ZFP1: variants seen among roughly 807,000 people sequenced by gnomAD.
ZFP1 encodes ZFP1 zinc finger protein.
In ZFP1, 32 loss-of-function variants were observed where a neutral mutation model predicts 38.5. The observed-to-expected ratio is 0.83, with a 90% CI of 0.63 to 1.12. ZFP1 has a LOEUF of 1.12. Ranked by LOEUF, ZFP1 falls within the 50% of genes most tolerant of loss-of-function variation. The pLI is 0.00. For synonymous variants in ZFP1, 245 were observed against 168.8 expected (o/e 1.45, Z -3.50); for missense variants, 616 against 480.8 (o/e 1.28, Z -2.63).
At chr16:75,165,052 A>C (rs1033635662) in intron 2 of ZFP1, among the ~76,000 whole-genome samples, 1 of 151,938 alleles carries the variant, frequency 6.6e-6, no homozygotes, top group Non-Finnish European at 1.5e-5. Flanking sequence ...TGATCCACCC[A>C]CTTCAGCCTC....
chr16:75,130,770 G>A, the ZFP1 span, among the ~76,000 whole-genome samples: 24 of 151,882 alleles, frequency 1.6e-4, no homozygotes, highest in Middle Eastern at 3.4e-3. Flanking sequence ...GCTACCTACC[G>A]TAATACTCAC....
upstream of ZFP1, among the ~76,000 whole-genome samples, chr16:75,144,975 A>T (rs1234593198): frequency 6.6e-6 from 1 of 152,176 alleles, no homozygotes; most frequent in African/African-American, 2.4e-5. Context: ...GGCCACAGGC[A>T]CATGCCACTA....
At chr16:75,147,366 C>T (rs1194556593), upstream of ZFP1, among the ~76,000 whole-genome samples, 1 of 152,130 alleles carries the variant, frequency 6.6e-6, no homozygotes, top group Admixed American at 6.5e-5. Context: ...AAACCTCAGC[C>T]TCCCAGGCTC....
At chr16:75,154,680 G>A (rs1351493867) in intron 2 of ZFP1, among the ~76,000 whole-genome samples, 1 of 152,136 alleles carries the variant, frequency 6.6e-6, no homozygotes, top group South Asian at 2.1e-4. Context: ...CAGAGGGAGG[G>A]GGGCTCCAAA....
chr16:75,152,519 G>A (rs1337090022), intron 1 of ZFP1, among the ~76,000 whole-genome samples: 1 of 152,114 alleles, frequency 6.6e-6, no homozygotes, highest in Non-Finnish European at 1.5e-5. Context: ...ATTTCCATTT[G>A]ATTTTTTCTT....
chr16:75,141,071 A>C, the ZFP1 span, among the ~76,000 whole-genome samples: 1 of 152,210 alleles, frequency 6.6e-6, no homozygotes, highest in Non-Finnish European at 1.5e-5. Flanking sequence ...ATTTGGCCAA[A>C]AATTGTTCTT....
intron 2 of ZFP1, among the ~76,000 whole-genome samples, chr16:75,163,185 G>A (rs1245296495): frequency 6.6e-6 from 1 of 152,052 alleles, no homozygotes; most frequent in Non-Finnish European, 1.5e-5. Flanking sequence ...GGGATTACAG[G>A]CATGAGCCAT....
the ZFP1 span, among the ~76,000 whole-genome samples, chr16:75,127,540 T>C: frequency 6.6e-5 from 10 of 152,154 alleles, no homozygotes; most frequent in Admixed American, 6.5e-4. Context: ...AGGCTGGTCT[T>C]GAACTCCTGG....
At chr16:75,127,078 A>C in the ZFP1 span, among the ~76,000 whole-genome samples, 1 of 152,234 alleles carries the variant, frequency 6.6e-6, no homozygotes, top group Admixed American at 6.5e-5. Context: ...TGTGCTGCAG[A>C]AGTAACAAAT....
the ZFP1 span, among the ~76,000 whole-genome samples, chr16:75,131,639 C>T: frequency 1.3e-5 from 2 of 152,102 alleles, no homozygotes; most frequent in African/African-American, 2.4e-5. Flanking sequence ...ATGTCCACCT[C>T]GGTTCGTTGC....
At chr16:75,137,461 CTTTTT>C in the ZFP1 span, among the ~76,000 whole-genome samples, 1 of 89,416 alleles carries the variant, frequency 1.1e-5, no homozygotes, top group African/African-American at 4.4e-5. Flanking sequence ...AAAAAAAATT[CTTTTT>C]TTTTTTTTTT....
intron 2 of ZFP1, among the ~76,000 whole-genome samples, chr16:75,155,081 G>A (rs1225316146): frequency 1.3e-5 from 2 of 152,176 alleles, no homozygotes; most frequent in Non-Finnish European, 2.9e-5. Context: ...ACAAGCGTAA[G>A]TCACTGTGCC....
the ZFP1 span, among the ~76,000 whole-genome samples, chr16:75,137,161 T>A: frequency 1.3e-5 from 2 of 152,002 alleles, no homozygotes; most frequent in Non-Finnish European, 2.9e-5. Context: ...AAGAGAGTGT[T>A]CACACACACA....
the ZFP1 span, among the ~76,000 whole-genome samples, chr16:75,127,065 T>C: frequency 1.3e-4 from 20 of 152,242 alleles, no homozygotes; most frequent in African/African-American, 4.6e-4. Flanking sequence ...TGTTAAATTA[T>C]TGTGTGCTGC....
At chr16:75,146,452 C>T (rs948512016), upstream of ZFP1, among the ~76,000 whole-genome samples, 28 of 151,998 alleles carry the variant, frequency 1.8e-4, no homozygotes, top group Non-Finnish European at 2.5e-4. Flanking sequence ...CAGGCGTGAG[C>T]CACTGCACCC....
chr16:75,130,625 C>T, the ZFP1 span, among the ~76,000 whole-genome samples: 1 of 152,116 alleles, frequency 6.6e-6, no homozygotes, highest in African/African-American at 2.4e-5. Context: ...TGGGAAACTG[C>T]CTTTCCCTGG....
intron 2 of ZFP1, among the ~76,000 whole-genome samples, chr16:75,166,018 A>G (rs934065799): frequency 1.3e-5 from 2 of 152,052 alleles, no homozygotes; most frequent in African/African-American, 4.8e-5. Context: ...AAAATTTTCT[A>G]CCATTTTTAT....
chr16:75,147,706 G>A (rs1478281437), upstream of ZFP1, among the ~76,000 whole-genome samples: 1 of 152,112 alleles, frequency 6.6e-6, no homozygotes, highest in Non-Finnish European at 1.5e-5. Flanking sequence ...GGAATTCAAT[G>A]TATTTTCTGC....
chr16:75,153,633 C>T (rs540007717), intron 2 of ZFP1, among the ~76,000 whole-genome samples: 1 of 152,054 alleles, frequency 6.6e-6, no homozygotes, highest in African/African-American at 2.4e-5. Flanking sequence ...CAACCCCTAC[C>T]CCCAGTTTCC....
Sources: allele counts gnomAD v4.1 joint callset (sites outside exome capture counted in the v4.1 genomes callset), GRCh38; gene constraint gnomAD v4.1.1; transcripts MANE v1.5; gene names NCBI Gene and HGNC (gene_info 2026-07-23, HGNC 2026-07-21).